FHIP1B: variants seen among roughly 807,000 people sequenced by gnomAD.
FHIP1B encodes FHF complex subunit HOOK-interacting protein 1B.
A neutral mutation model predicts 82.2 loss-of-function variants in FHIP1B; 28 were observed. The observed-to-expected ratio is 0.34, with a 90% CI of 0.25 to 0.47. The LOEUF (loss-of-function observed/expected upper bound fraction) is 0.47, where lower values mean the gene tolerates loss of function less well. FHIP1B is among the 20% of genes least tolerant of loss of function. The pLI is 1.00. For missense variants in FHIP1B, 1,110 were observed against 1,262.6 expected, an observed-to-expected ratio of 0.88 and a Z score of 1.83; for synonymous variants, 585 against 516.1, an observed-to-expected ratio of 1.13 and a Z score of -1.81.
chr11:6,225,334 T>G (rs1847534319), intron 1 of FHIP1B, among the ~76,000 whole-genome samples: 4 of 152,240 alleles, frequency 2.6e-5, no homozygotes, highest in Admixed American at 2.6e-4. Context: ...GTCCTTCTCC[T>G]GCTTTTCACA....
At chr11:6,233,343 T>A (rs1292250130) in intron 1 of FHIP1B, among the ~76,000 whole-genome samples, 1 of 152,052 alleles carries the variant, frequency 6.6e-6, no homozygotes, top group Non-Finnish European at 1.5e-5. Flanking sequence ...AGAGGAAAAT[T>A]TAGTAGTGTG....
chr11:6,214,870 G>A lies in FHIP1B; in HGVS notation c.2257C>T (p.Leu753=). ...AAGTTGACATAGACGGAGTTCTGCA[G>A]CATGTTCTCGAGTTTGGCAAAGAGC... is the stretch of plus-strand genomic sequence containing the variant. ...AVLFAKLENM[L]QNSVYVNFLL... Residue 753 remains leucine, a synonymous_variant, in exon 10 of 12, where the codon CTG becomes TTG. Transcript: ENST00000449352. 6.2e-7 allele frequency: 1 copy of A among 1,607,076 alleles called. No individual in the cohort carries two copies. The highest frequency in any genetic ancestry group is 8.5e-7 in the Non-Finnish European group (1 of 1,176,374).
In FHIP1B at chr11:6,223,299, C is replaced by G; in HGVS notation, c.778-61G>C. On this transcript the variant is annotated intron_variant, in intron 3 of 11. Transcript: ENST00000449352. The surrounding 1 kb of genome is among the most constrained non-coding windows in gnomAD (Gnocchi z 4.8). ...CATTTATAAAATATAAAAACTGGAA[C>G]AGGGGAGCTAGTAATCCAGAGTTTT... 1 of 1,511,156 alleles carries G rather than the reference C, an allele frequency of 6.6e-7. No individual in the cohort carries two copies. Among genetic ancestry groups the G allele is most frequent in the Non-Finnish European group, 8.9e-7 (1 of 1,122,040 alleles). The allele number at this position is 1,511,156 out of a possible 1,614,324, so 93.6% of individuals were successfully genotyped here. A position where few individuals can be genotyped will look rare whatever the true frequency, so the allele number is the denominator to read the frequency against.
chr11:6,231,779 A>G lies in FHIP1B; in HGVS notation c.-192+2765T>C, dbSNP rs578045538. 3.7e-4 allele frequency among the ~76,000 whole-genome samples: 57 copies of G among 152,270 alleles called. 1 individual carries two copies. The South Asian group carries it at 8.9e-3, about 24-fold the overall frequency. ...GCCTGCCTCAGCCTCCCAAAATGCTAGGCGTGAGCCACTACGCCCAGCCTA... is the reference window on the plus strand; with the variant it reads ...GCCTGCCTCAGCCTCCCAAAATGCTGGGCGTGAGCCACTACGCCCAGCCTA... On this transcript the variant is annotated intron_variant, in intron 1 of 11. Coordinates refer to ENST00000449352, the MANE Select transcript of FHIP1B (RefSeq NM_001098794.2).
At position 6,211,437 on chromosome 11, in the gene FHIP1B, C is replaced by G. The variant is rs1017161820; in HGVS notation, c.*69G>C. On this transcript the variant is annotated 3_prime_UTR_variant, in exon 12 of 12. Transcript: ENST00000449352. ...AAGTCCTTTTGCCACTGCCTCCAAACATAAAAAGGAGCCTGTGCCCTAGCC... is the reference window on the plus strand; with the variant it reads ...AAGTCCTTTTGCCACTGCCTCCAAAGATAAAAAGGAGCCTGTGCCCTAGCC... 2.7e-6 allele frequency: 4 copies of G among 1,501,996 alleles called. No homozygotes were observed. In the South Asian group the frequency reaches 5.6e-5, roughly 21 times the overall value. The allele number at this position is 1,501,996 out of a possible 1,614,324, so 93.0% of individuals were successfully genotyped here. A position where few individuals can be genotyped will look rare whatever the true frequency, so the allele number is the denominator to read the frequency against.
At position 6,222,477 on chromosome 11, in the gene FHIP1B, C is replaced by T. The variant is rs1319747868; in HGVS notation, c.1156G>A (p.Asp386Asn). 7 of 1,613,778 alleles carry T rather than the reference C, an allele frequency of 4.3e-6. No individual in the cohort carries two copies. The highest frequency in any genetic ancestry group is 2.7e-5 in the African/African-American group (2 of 74,826). ...CTGCCAATACGAGCAACGAGGGTGT[C>T]GAGGATGGTGTGGGTGTCATGCCGG... ...LHRHDTHTIL[D>N]TLVARIGSNS... is the part of the protein sequence containing the mutation. Residue 386 changes from aspartate to asparagine, a missense_variant, in exon 6 of 12, where the codon GAC (aspartate) becomes AAC (asparagine). By Grantham distance (23) the Asp-to-Asn change is conservative. Transcript: ENST00000449352.
chr11:6,232,716 G>T (rs1373996214), intron 1 of FHIP1B, among the ~76,000 whole-genome samples: 1 of 152,194 alleles, frequency 6.6e-6, no homozygotes, highest in Non-Finnish European at 1.5e-5. Flanking sequence ...CAGAATCATT[G>T]TATAAATGTA....
In FHIP1B at chr11:6,223,632, G is replaced by A. The variant is rs779192621; in HGVS notation, c.755C>T (p.Ala252Val). 8.1e-6 allele frequency: 13 copies of A among 1,601,578 alleles called. No individual in the cohort carries two copies. The highest frequency in any genetic ancestry group is 1.1e-5 in the South Asian group (1 of 89,146). ...AACCGGGCAGAAGTAAGAGTGATCC[G>A]CGATGTAGCGGCCCACAGTGGGGCT... ...AGSPTVGRYI[A>V]DHSYFCPVLA... Residue 252 changes from alanine (A) to valine (V), a missense_variant, in exon 3 of 12, where the codon GCG (alanine) becomes GTG (valine). Physicochemically the swap from Ala to Val is moderately conservative, Grantham distance 64 (BLOSUM62 0). This residue lies in a region of FHIP1B where 467 missense variants were observed against 602.9 expected (regional missense o/e 0.77). Transcript: ENST00000449352. This position sits in a 1 kb window ranked among gnomAD's most constrained non-coding sequence, Gnocchi z 4.8.
intron 1 of FHIP1B, among the ~76,000 whole-genome samples, chr11:6,233,061 C>G (rs536783689): frequency 6.6e-6 from 1 of 152,306 alleles, no homozygotes; most frequent in South Asian, 2.1e-4. Context: ...CTACTCTAAA[C>G]TCTGAACTGT....
chr11:6,224,243 C>T lies in FHIP1B; in HGVS notation c.144G>A (p.Val48=), dbSNP rs777206694. The T allele has an allele frequency of 1.9e-6, 3 of 1,610,530 alleles. No individual in the cohort carries two copies. The East Asian group carries it at 6.7e-5, about 36-fold the overall frequency. ...MVFKNHWSQV[V]RILERQGPRA... is the part of the protein sequence containing the mutation. ...GAGGGCCTTGCCGCTCCAGGATTCG[C>T]ACCACCTAGGGAAAAAGGACAGAAG... Residue 48 remains valine (V), a synonymous_variant, in exon 3 of 12, where the codon GTG becomes GTA. Transcript: ENST00000449352.
At chr11:6,225,182 T>C (rs999898685) in intron 1 of FHIP1B, among the ~76,000 whole-genome samples, 1 of 152,214 alleles carries the variant, frequency 6.6e-6, no homozygotes, top group East Asian at 1.9e-4. Context: ...TAACACACTG[T>C]AATAGTTCAA....
chr11:6,229,942 C>T (rs528734790), intron 1 of FHIP1B, among the ~76,000 whole-genome samples: 3 of 151,398 alleles, frequency 2.0e-5, no homozygotes, highest in Non-Finnish European at 4.4e-5. Context: ...AATCACCACC[C>T]TCTCATGGTG....
At chr11:6,216,875 A>T in intron 9 of FHIP1B, 1 of 593,006 alleles carries the variant, frequency 1.7e-6, no homozygotes, top group Non-Finnish European at 3.0e-6. Flanking sequence ...GGAGCTGAGT[A>T]GGGAGAAAAA....
Position 6,222,851 on chromosome 11 carries a change from T to G in FHIP1B, c.983A>C (p.Asn328Thr), listed in dbSNP as rs1268068273. Residue 328 changes from asparagine to threonine, a missense_variant, in exon 5 of 12, where the codon AAT becomes ACT. Around this residue, in one of 6 missense-constraint regions of FHIP1B, gnomAD observed 467 missense variants for 602.9 expected, o/e 0.77. Coordinates refer to ENST00000449352, the MANE Select transcript of FHIP1B (RefSeq NM_001098794.2). ...ACCCATGACAGGCACCAGGAACCCATTATGGATATAATCAACCAACTGCTT... is the reference window on the plus strand; with the variant it reads ...ACCCATGACAGGCACCAGGAACCCAGTATGGATATAATCAACCAACTGCTT... ...VQKQLVDYIH[N>T]GFLVPVMGPA... The G allele has an allele frequency of 3.7e-6, 6 of 1,613,916 alleles. No homozygotes were observed. Among genetic ancestry groups the G allele is most frequent in the Non-Finnish European group, 4.2e-6 (5 of 1,180,012 alleles).
intron 1 of FHIP1B, among the ~76,000 whole-genome samples, chr11:6,232,949 A>C (rs981108437): frequency 1.3e-5 from 2 of 152,188 alleles, no homozygotes; most frequent in Middle Eastern, 3.2e-3. Context: ...TCTGAGAATA[A>C]ATTTATCTTC....
Position 6,224,584 on chromosome 11 carries a change from T to C in FHIP1B, c.-68A>G. The C allele has an allele frequency of 1.3e-6, 2 of 1,494,600 alleles. No individual in the cohort carries two copies. Among genetic ancestry groups the C allele is most frequent in the Admixed American group, 2.2e-5 (1 of 45,230 alleles). The allele number at this position is 1,494,600 out of a possible 1,614,324, so 92.6% of individuals were successfully genotyped here. On this transcript the variant is annotated 5_prime_UTR_variant, in exon 2 of 12. Transcript: ENST00000449352. ...GAGGATTTGCCAGCTGGAGGTTTTC[T>C]CCACTTGTGTCTCCAGTCTGCTTCA...
intron 11 of FHIP1B, among the ~76,000 whole-genome samples, chr11:6,212,372 A>G (rs1436274037): frequency 6.6e-5 from 10 of 152,162 alleles, no homozygotes; most frequent in Non-Finnish European, 1.2e-4. Context: ...CAGCCTATCT[A>G]TAACACCCAA....
At chr11:6,232,031 T>C (rs138730569) in intron 1 of FHIP1B, among the ~76,000 whole-genome samples, 3 of 152,328 alleles carry the variant, frequency 2.0e-5, no homozygotes, top group Non-Finnish European at 4.4e-5. Flanking sequence ...GTAGAGTGCC[T>C]GGCACAGAGC....
At chr11:6,219,195 G>A in intron 6 of FHIP1B, 145 bp from the exon 7 acceptor site, 1 of 625,570 alleles carries the variant, frequency 1.6e-6, no homozygotes, top group South Asian at 1.9e-5. Context: ...ACCATGCCTG[G>A]CACATAAGTC....
Sources: allele counts gnomAD v4.1 joint callset (sites outside exome capture counted in the v4.1 genomes callset), GRCh38; gene constraint gnomAD v4.1.1; regional missense constraint gnomAD v4.1.1; non-coding constraint Gnocchi (gnomAD v3.1); transcripts MANE v1.5; gene names NCBI Gene and HGNC (gene_info 2026-07-23, HGNC 2026-07-21).